Variants in TIAL1 observed in about 807,000 individuals in gnomAD.
TIAL1 encodes the protein nucleolysin TIAR.
A neutral mutation model predicts 59.7 loss-of-function variants in TIAL1; 7 were observed. The observed-to-expected ratio is 0.12, with a 90% CI of 0.07 to 0.22. The LOEUF (loss-of-function observed/expected upper bound fraction) is 0.22. Among genes scored for constraint, TIAL1 ranks in the 10% least tolerant of loss-of-function variants. The pLI is 1.00. For missense variants in TIAL1, 225 were observed against 462.5 expected (o/e 0.49, Z 4.71); for synonymous variants, 149 against 146.3 (o/e 1.02, Z -0.13).
intron 2 of TIAL1, among the ~76,000 whole-genome samples, chr10:119,584,358 G>C (rs1211128720): frequency 6.6e-6 from 1 of 151,446 alleles, no homozygotes; most frequent in African/African-American, 2.4e-5. Context: ...AGGAAAGCTA[G>C]AATCTATGAT....
intron 1 of TIAL1, 60 bp from the exon 2 acceptor site, chr10:119,588,308 T>C: frequency 1.1e-6 from 1 of 950,498 alleles, no homozygotes. Context: ...TCTAATGTGT[T>C]ATCATCTAAT....
At chr10:119,586,603 T>C (rs1409168022) in intron 2 of TIAL1, among the ~76,000 whole-genome samples, 1 of 152,196 alleles carries the variant, frequency 6.6e-6, no homozygotes, top group African/African-American at 2.4e-5. Flanking sequence ...CCTCCACTGG[T>C]CTGCCACAGC....
chr10:119,584,323 CAAT>C lies in TIAL1; in HGVS notation c.130-1769_130-1767del, dbSNP rs1351180855. On this transcript the variant is annotated intron_variant, in intron 2 of 11. Coordinates refer to ENST00000436547, the MANE Select transcript of TIAL1 (RefSeq NM_003252.4). ...ATTCTAAAAAAATTTGACTTAGAATCAATAATATATATTTGTATTATATAAGGA... is the reference window on the plus strand; with the variant it reads ...ATTCTAAAAAAATTTGACTTAGAATCAATATATATTTGTATTATATAAGGA... Among the ~76,000 whole-genome samples the C allele has an allele frequency of 4.0e-5, 6 of 151,380 alleles. No individual in the cohort carries two copies. In the East Asian group the frequency reaches 1.2e-3, roughly 29 times the overall value.
In TIAL1 at chr10:119,590,800, G is replaced by GAAAGAAAGAAAGAAAGAAAA. The variant is rs1554867663; in HGVS notation, c.33-2553_33-2552insTTTTCTTTCTTTCTTTCTTT. Among the ~76,000 whole-genome samples the GAAAGAAAGAAAGAAAGAAAA allele has an allele frequency of 7.0e-3, 984 of 141,356 alleles. 6 individuals are homozygous for GAAAGAAAGAAAGAAAGAAAA. Among genetic ancestry groups the GAAAGAAAGAAAGAAAGAAAA allele is most frequent in the Admixed American group, 0.014 (200 of 14,464 alleles). The allele number at this position is 141,356 out of a possible 152,430, so 92.7% of individuals were successfully genotyped here. On this transcript the variant is annotated intron_variant, in intron 1 of 11. Coordinates refer to ENST00000436547, the MANE Select transcript of TIAL1 (RefSeq NM_003252.4). ...AGAAAGAAAGAAAGAAAGAAAGAAA[G>GAAAGAAAGAAAGAAAGAAAA]AAAGAAAGAAAGAAAGAAAGAAACG... is the stretch of plus-strand genomic sequence containing the variant.
Position 119,576,665 on chromosome 10 carries a change from A to G in TIAL1, c.947T>C (p.Val316Ala). ...TTGCCCGTATACTCCATAAGGCGGT[A>G]CTTGCCACCCATTTGCCATATACTG... ...YGQYMANGWQ[V>A]PPYGVYGQPW... Residue 316 changes from valine (V) to alanine (A), a missense_variant, in exon 11 of 12, where the codon GTA (valine) becomes GCA (alanine). Val to Ala is a moderately conservative substitution (Grantham distance 64). This residue lies in a region of TIAL1 where 80 missense variants were observed against 158.8 expected (regional missense o/e 0.50). Transcript: ENST00000436547. 1 of 1,614,166 alleles carries G rather than the reference A, an allele frequency of 6.2e-7. No homozygotes were observed. Among genetic ancestry groups the G allele is most frequent in the Non-Finnish European group, 8.5e-7 (1 of 1,180,028 alleles).
At chr10:119,586,281 G>A (rs553923378) in intron 2 of TIAL1, among the ~76,000 whole-genome samples, 16 of 152,092 alleles carry the variant, frequency 1.1e-4, no homozygotes, top group Admixed American at 2.0e-4. Context: ...CTATACAACT[G>A]CATTAACATG....
intron 2 of TIAL1, among the ~76,000 whole-genome samples, chr10:119,585,671 C>T (rs777012477): frequency 1.3e-5 from 2 of 152,020 alleles, no homozygotes; most frequent in Non-Finnish European, 2.9e-5. Flanking sequence ...TAAAATAAAT[C>T]TTTACAAATG....
chr10:119,577,590 ATG>A (rs1329506954), intron 8 of TIAL1, 49 bp downstream of exon 8: 58 of 1,606,006 alleles, frequency 3.6e-5, no homozygotes, highest in East Asian at 2.7e-4. Flanking sequence ...TGAAATTCAT[ATG>A]AACAGTGATG....
At chr10:119,588,080 A>G in intron 2 of TIAL1, 72 bp downstream of exon 2, 1 of 898,794 alleles carries the variant, frequency 1.1e-6, no homozygotes, top group Non-Finnish European at 1.6e-6. Context: ...TGAGGCTTAC[A>G]ATGAAATTTT....
intron 1 of TIAL1, among the ~76,000 whole-genome samples, chr10:119,588,646 C>G (rs930321610): frequency 6.6e-6 from 1 of 151,992 alleles, no homozygotes; most frequent in African/African-American, 2.4e-5. Context: ...GCCCGGCCAC[C>G]TTTTATTTCA....
intron 2 of TIAL1, among the ~76,000 whole-genome samples, chr10:119,586,944 G>A (rs1387823668): frequency 6.6e-6 from 1 of 152,078 alleles, no homozygotes; most frequent in Non-Finnish European, 1.5e-5. Context: ...TATTTGCTTG[G>A]GAAACTCATT....
intron 1 of TIAL1, among the ~76,000 whole-genome samples, chr10:119,589,529 T>A (rs1564743386): frequency 6.6e-6 from 1 of 152,028 alleles, no homozygotes; most frequent in African/African-American, 2.4e-5. Flanking sequence ...TTAATGTAGA[T>A]AAAAAAGCTA....
intron 2 of TIAL1, among the ~76,000 whole-genome samples, chr10:119,583,915 C>T (rs1444473673): frequency 6.6e-6 from 1 of 152,200 alleles, no homozygotes; most frequent in East Asian, 1.9e-4. Flanking sequence ...AGAGTTATTA[C>T]ATTTACCATA....
chr10:119,590,589 A>G (rs1038925090), intron 1 of TIAL1, among the ~76,000 whole-genome samples: 7 of 152,054 alleles, frequency 4.6e-5, no homozygotes, highest in Admixed American at 2.6e-4. Flanking sequence ...GCGCACCTAT[A>G]ATCCCAGCTA....
chr10:119,590,750 C>CAGAGAGAA (rs1055881232), intron 1 of TIAL1, among the ~76,000 whole-genome samples: 1,273 of 72,878 alleles, frequency 0.017, 9 homozygotes, highest in Middle Eastern at 0.067. Flanking sequence ...GAGAGAGAGA[C>CAGAGAGAA]AGAGAGAAAG....
At chr10:119,577,241 T>C (rs777868729) in intron 9 of TIAL1, 38 bp from the exon 10 acceptor site, 6 of 1,572,522 alleles carry the variant, frequency 3.8e-6, no homozygotes, top group Non-Finnish European at 5.2e-6. Flanking sequence ...TCTTTTATTT[T>C]TTAAGAACCT....
Position 119,582,737 on chromosome 10 carries a change from A to C in TIAL1, c.130-180T>G. On this transcript the variant is annotated intron_variant, in intron 2 of 11. Coordinates refer to ENST00000436547, the MANE Select transcript of TIAL1 (RefSeq NM_003252.4). The surrounding 1 kb of genome is among the most constrained non-coding windows in gnomAD (Gnocchi z 5.1). ...GCTAAACCTGACTTTGCACCTCAGA[A>C]TACTGCTGAACTCAAACGGAACTAT... is the stretch of plus-strand genomic sequence containing the variant. The C allele has an allele frequency of 8.3e-6, 7 of 848,228 alleles. No individual in the cohort carries two copies. Among genetic ancestry groups the C allele is most frequent in the Non-Finnish European group, 1.2e-5 (7 of 597,876 alleles). 52.5% of individuals were successfully genotyped at this position (848,228 alleles called of 1,614,324 possible). A position where few individuals can be genotyped will look rare whatever the true frequency, so the allele number is the denominator to read the frequency against.
rs1021419665 is a variant in TIAL1, at chr10:119,573,635, T to C, written c.*2030A>G. 3.3e-5 allele frequency: 5 copies of C among 152,648 alleles called. No homozygotes were observed. Among genetic ancestry groups the C allele is most frequent in the Admixed American group, 6.5e-5 (1 of 15,284 alleles). 9.5% of individuals were successfully genotyped at this position (152,648 alleles called of 1,614,324 possible). On this transcript the variant is annotated 3_prime_UTR_variant, in exon 12 of 12. Coordinates refer to ENST00000436547, the MANE Select transcript of TIAL1 (RefSeq NM_003252.4). ...TTTATCAATTAAAAAAAGTCTTCAG[T>C]TGTTCAAGTTTCACATATACTCATA...
At chr10:119,592,302 G>A (rs1845921071) in intron 1 of TIAL1, 1 of 152,160 alleles carries the variant, frequency 6.6e-6, no homozygotes, top group Non-Finnish European at 1.5e-5. Context: ...AGGAACTGAA[G>A]CATTAAAAAC....
Sources: gnomAD v4.1 joint callset for allele counts (sites outside exome capture counted in the v4.1 genomes callset) on GRCh38, gnomAD v4.1.1 for gene constraint, gnomAD v4.1.1 regional missense constraint, Gnocchi (gnomAD v3.1) non-coding constraint, MANE v1.5 for transcripts, NCBI Gene and HGNC (gene_info 2026-07-23, HGNC 2026-07-21) for gene names.